Variants in DOCK1 observed in about 807,000 individuals in gnomAD.
DOCK1 encodes dedicator of cytokinesis protein 1.
Under a neutral mutation model 262.7 loss-of-function variants are expected in DOCK1, and 138 were observed. The observed-to-expected ratio is 0.53, with a 90% CI of 0.46 to 0.61. The LOEUF (loss-of-function observed/expected upper bound fraction) is 0.61, where lower values mean the gene tolerates loss of function less well. Among genes scored for constraint, DOCK1 ranks in the 20% least tolerant of loss-of-function variants. The pLI is 0.00. For synonymous variants in DOCK1, 866 were observed against 867.4 expected, an observed-to-expected ratio of 1.00 and a Z score of 0.03; for missense variants, 1,908 against 2,370.7, an observed-to-expected ratio of 0.80 and a Z score of 4.05.
At chr10:127,111,580 G>A (rs970472080) in intron 25 of DOCK1, among the ~76,000 whole-genome samples, 2 of 152,098 alleles carry the variant, frequency 1.3e-5, no homozygotes, top group Non-Finnish European at 2.9e-5. Context: ...TACTCTAGGG[G>A]GCTTAAGGAA....
chr10:127,377,988 G>T (rs2065609235), intron 35 of DOCK1, among the ~76,000 whole-genome samples: 1 of 152,096 alleles, frequency 6.6e-6, no homozygotes, highest in Middle Eastern at 3.4e-3. Flanking sequence ...TCTCCTGCAA[G>T]GATGTCTGCA....
rs4246203 is a variant in DOCK1, at chr10:126,911,166, T to A, written c.46+5603T>A. Among the ~76,000 whole-genome samples the A allele has an allele frequency of 3.3e-5, 5 of 152,312 alleles. No individual in the cohort carries two copies. The East Asian group carries it at 9.7e-4, about 29-fold the overall frequency. ...TGCCAGTTCACATTCTCACCAGCAG[T>A]GTATATGTGATTGTAGATTTCTCGG... is the stretch of plus-strand genomic sequence containing the variant. On this transcript the variant is annotated intron_variant, in intron 1 of 51. Coordinates refer to ENST00000623213, the MANE Select transcript of DOCK1 (RefSeq NM_001290223.2).
chr10:127,195,613 A>G (rs1224425594), intron 27 of DOCK1, among the ~76,000 whole-genome samples: 1 of 150,940 alleles, frequency 6.6e-6, no homozygotes, highest in Non-Finnish European at 1.5e-5. Context: ...TTCCGGGGAG[A>G]CGGCCGCCCC....
chr10:126,912,550 C>T (rs558456045), intron 1 of DOCK1, among the ~76,000 whole-genome samples: 1 of 151,308 alleles, frequency 6.6e-6, no homozygotes, highest in Non-Finnish European at 1.5e-5. Context: ...CACGGTGAAA[C>T]CCTGTCTCTA....
intron 27 of DOCK1, among the ~76,000 whole-genome samples, chr10:127,222,868 G>T (rs2058493546): frequency 7.2e-6 from 1 of 139,634 alleles, no homozygotes; most frequent in East Asian, 2.1e-4. Context: ...GTGGAGATTA[G>T]GTCTCACTGT....
Position 127,373,811 on chromosome 10 carries a change from C to T in DOCK1, c.3463C>T (p.His1155Tyr), listed in dbSNP as rs1333959983. ...AAATGAGATCATCACCAAGCTGGAT[C>T]ATGAAGTCGAAGGAGGCAGAGGAGA... Reference protein sequence around the residue: ...FENEIITKLDHEVEGGRGDEQ... With the variant: ...FENEIITKLDYEVEGGRGDEQ... Residue 1155 changes from histidine (H) to tyrosine (Y), a missense_variant, in exon 34 of 52, where the codon CAT becomes TAT. Coordinates refer to ENST00000623213, the MANE Select transcript of DOCK1 (RefSeq NM_001290223.2). The T allele has an allele frequency of 1.9e-6, 3 of 1,611,814 alleles. No individual in the cohort carries two copies. The highest frequency in any genetic ancestry group is 2.5e-6 in the Non-Finnish European group (3 of 1,179,008).
At chr10:127,257,611 A>G (rs146342015) in intron 29 of DOCK1, 182 bp downstream of exon 29, 133 of 475,378 alleles carry the variant, frequency 2.8e-4, no homozygotes, top group South Asian at 5.2e-4. Context: ...TGACTTCCTT[A>G]TGACAACACA....
intron 29 of DOCK1, among the ~76,000 whole-genome samples, chr10:127,296,290 G>A (rs1200668551): frequency 2.6e-5 from 4 of 152,224 alleles, no homozygotes; most frequent in Non-Finnish European, 5.9e-5. Context: ...AGGCAGGGGA[G>A]GAGGGGGAAT....
In DOCK1 at chr10:126,970,882, A is replaced by T. The variant is rs528702430; in HGVS notation, c.130+97A>T. 60 of 1,359,012 alleles carry T rather than the reference A, an allele frequency of 4.4e-5. No homozygotes were observed. In the African/African-American group the frequency reaches 5.8e-4, roughly 13 times the overall value. The allele number at this position is 1,359,012 out of a possible 1,614,324, so 84.2% of individuals were successfully genotyped here. A position where few individuals can be genotyped will look rare whatever the true frequency, so the allele number is the denominator to read the frequency against. ...CAAAGCATTCCTCTGTTACAGACAC[A>T]TAAGACAGTCATGCTTCCTTCTCAG... is the stretch of plus-strand genomic sequence containing the variant. On this transcript the variant is annotated intron_variant, in intron 2 of 51. Transcript: ENST00000623213.
chr10:126,957,983 C>T (rs1023757504), intron 1 of DOCK1, among the ~76,000 whole-genome samples: 9 of 152,062 alleles, frequency 5.9e-5, no homozygotes, highest in African/African-American at 9.7e-5. Flanking sequence ...CATAGGATTC[C>T]GTGTATTTGA....
chr10:127,108,266 C>T (rs7899104), intron 24 of DOCK1, among the ~76,000 whole-genome samples: 36,639 of 152,160 alleles, frequency 0.24, 6,309 homozygotes, highest in African/African-American at 0.49. Flanking sequence ...ATCCCTTACA[C>T]ACATACGTAC....
chr10:127,006,172 C>T (rs942936306), intron 10 of DOCK1, among the ~76,000 whole-genome samples: 1 of 152,158 alleles, frequency 6.6e-6, no homozygotes, highest in African/African-American at 2.4e-5. Flanking sequence ...TGTGGGGGTC[C>T]ATCTGCCGTG....
intron 27 of DOCK1, among the ~76,000 whole-genome samples, chr10:127,133,337 T>G (rs535582518): frequency 1.3e-5 from 2 of 152,292 alleles, no homozygotes; most frequent in South Asian, 2.1e-4. Flanking sequence ...TAATAGAGTT[T>G]AAGTATGAAT....
intron 29 of DOCK1, among the ~76,000 whole-genome samples, chr10:127,300,464 T>G (rs1307958707): frequency 2.0e-5 from 3 of 152,150 alleles, no homozygotes; most frequent in Non-Finnish European, 4.4e-5. Context: ...GCTGCCCCTT[T>G]CCAGGACCTG....
intron 27 of DOCK1, among the ~76,000 whole-genome samples, chr10:127,183,056 C>T (rs976450246): frequency 7.2e-6 from 1 of 138,890 alleles, no homozygotes; most frequent in Non-Finnish European, 1.5e-5. Context: ...CTTTGCCTTC[C>T]TGATTATGGT....
chr10:126,935,060 A>G (rs1055312135), intron 1 of DOCK1, among the ~76,000 whole-genome samples: 3 of 152,206 alleles, frequency 2.0e-5, no homozygotes, highest in Non-Finnish European at 4.4e-5. Flanking sequence ...CAGTGAGCGG[A>G]TCACGCCACT....
intron 27 of DOCK1, 148 bp downstream of exon 27, chr10:127,127,912 G>C (rs1435580694): frequency 3.5e-6 from 2 of 564,146 alleles, no homozygotes; most frequent in Admixed American, 7.7e-5. Context: ...TTTTCCAAAT[G>C]AATGTCAAAG....
chr10:127,132,860 G>C (rs895170887), intron 27 of DOCK1, among the ~76,000 whole-genome samples: 1 of 152,148 alleles, frequency 6.6e-6, no homozygotes, highest in Admixed American at 6.5e-5. Context: ...ACACACGAGG[G>C]GATTGGAAAT....
intron 37 of DOCK1, 111 bp downstream of exon 37, chr10:127,381,479 A>G: frequency 1.1e-6 from 1 of 873,606 alleles, no homozygotes; most frequent in East Asian, 2.8e-5. Flanking sequence ...TTAAGGTTTT[A>G]TGAAATTGAC....
Sources: allele counts gnomAD v4.1 joint callset (sites outside exome capture counted in the v4.1 genomes callset), GRCh38; gene constraint gnomAD v4.1.1; transcripts MANE v1.5; gene names NCBI Gene and HGNC (gene_info 2026-07-23, HGNC 2026-07-21).